The following CELSR3 variants were observed in gnomAD, a reference collection of about 807,000 sequenced individuals.
CELSR3 encodes cadherin EGF LAG seven-pass G-type receptor 3.
A neutral mutation model predicts 270.0 loss-of-function variants in CELSR3; 73 were observed. The ratio of observed to expected loss-of-function variants is 0.27; its 90% CI spans 0.22 to 0.33. The LOEUF (loss-of-function observed/expected upper bound fraction) is 0.33, where lower values mean the gene tolerates loss of function less well. Among genes scored for constraint, CELSR3 ranks in the 10% least tolerant of loss-of-function variants. The probability of loss-of-function intolerance (pLI) is 1.00; values close to 1 mark genes in which losing one functional copy is unlikely to be tolerated. For synonymous variants in CELSR3, 1,780 were observed against 1,905.4 expected (o/e 0.93, Z 1.71); for missense variants, 3,614 against 4,533.8 (o/e 0.80, Z 5.83).
At position 48,655,526 on chromosome 3, in the gene CELSR3, C is replaced by A; in HGVS notation, c.4742-132G>T. The A allele has an allele frequency of 1.0e-6, 1 of 995,330 alleles. No homozygotes were observed. Among genetic ancestry groups the A allele is most frequent in the South Asian group, 1.4e-5 (1 of 72,602 alleles). 61.7% of individuals were successfully genotyped at this position (995,330 alleles called of 1,614,324 possible). On this transcript the variant is annotated intron_variant, in intron 4 of 34. Transcript: ENST00000164024. This position sits in a 1 kb window ranked among gnomAD's most constrained non-coding sequence, Gnocchi z 5.8. The stretch of plus-strand genomic sequence containing the variant: ...GTCCCCCCACTGGTGACCACAATGG[C>A]TGGCTCAGAGTGCCTTTGAACAGAC...
Position 48,656,757 on chromosome 3 carries a change from C to T in CELSR3, c.4340G>A (p.Gly1447Asp). Residue 1447 changes from glycine to aspartate, a missense_variant, in exon 2 of 35, where the codon GGC (glycine) becomes GAC (aspartate). Coordinates refer to ENST00000164024, the MANE Select transcript of CELSR3 (RefSeq NM_001407.3). ...TCCCTCGCGCCGCGCGCAGGCTCCGCCGTTGCGACATGGGTTGGAGTAGCA... is the reference window on the plus strand; with the variant it reads ...TCCCTCGCGCCGCGCGCAGGCTCCGTCGTTGCGACATGGGTTGGAGTAGCA... ...DLCYSNPCRN[G>D]GACARREGGY... 1 of 1,550,382 alleles carries T rather than the reference C, an allele frequency of 6.5e-7. No homozygotes were observed. The highest frequency in any genetic ancestry group is 8.7e-7 in the Non-Finnish European group (1 of 1,149,132).
rs572487179 is a variant in CELSR3, at chr3:48,639,294, C to T, written c.9911+380G>A. ...TCCTTGTCCTATATGACCCCCTAGG[C>T]GAACCTTCCCAAGCAAGGCCTCCTG... On this transcript the variant is annotated intron_variant, in intron 34 of 34. Transcript: ENST00000164024. This position sits in a 1 kb window ranked among gnomAD's most constrained non-coding sequence, Gnocchi z 4.1. 8.5e-5 allele frequency among the ~76,000 whole-genome samples: 13 copies of T among 152,272 alleles called. 1 individual carries two copies. In the South Asian group the frequency reaches 2.5e-3, roughly 29 times the overall value.
At position 48,662,510 on chromosome 3, in the gene CELSR3, C is replaced by A. The variant is rs1364047868; in HGVS notation, c.125G>T (p.Trp42Leu). 13 of 1,611,484 alleles carry A rather than the reference C, an allele frequency of 8.1e-6. No homozygotes were observed. The Admixed American group carries it at 2.2e-4, about 27-fold the overall frequency. The stretch of plus-strand genomic sequence containing the variant: ...CGTAGTGGCAGCTAAGCCTGGGTCC[C>A]AGCCCTGGTGCCCACCGCCCCCCAG... Reference protein sequence around the residue: ...EELGGGGHQGWDPGLAATTGP... With the variant: ...EELGGGGHQGLDPGLAATTGP... The change falls in exon 1 of 35, where the codon TGG becomes TTG. Residue 42 changes from tryptophan to leucine, a missense_variant. Trp to Leu is a moderately conservative substitution (Grantham distance 61, BLOSUM62 -2). This residue lies in a region of CELSR3 where 470 missense variants were observed against 469.7 expected (regional missense o/e 1.00). Transcript: ENST00000164024. The surrounding 1 kb of genome is among the most constrained non-coding windows in gnomAD (Gnocchi z 7.1).
At position 48,661,757 on chromosome 3, in the gene CELSR3, G is replaced by T; in HGVS notation, c.878C>A (p.Pro293Gln). 1.9e-6 allele frequency: 3 copies of T among 1,586,426 alleles called. No individual in the cohort carries two copies. The highest frequency in any genetic ancestry group is 2.6e-6 in the Non-Finnish European group (3 of 1,168,438). Residue 293 changes from proline (P) to glutamine (Q), a missense_variant, in exon 1 of 35, where the codon CCG (proline) becomes CAG (glutamine). Pro to Gln is a moderately conservative substitution (Grantham distance 76). Coordinates refer to ENST00000164024, the MANE Select transcript of CELSR3 (RefSeq NM_001407.3). ...ACGGGCCGGGAGTCCCGGGGGACGC[G>T]GCCCGGGGCGCTGCGGGAGGAAGCG... Reference protein sequence around the residue: ...RCRFLPQRPGPRPPGLPARPE... With the variant: ...RCRFLPQRPGQRPPGLPARPE...
Position 48,660,282 on chromosome 3 carries a change from C to G in CELSR3, c.2353G>C (p.Ala785Pro). The change falls in exon 1 of 35, where the codon GCC (alanine) becomes CCC (proline). Residue 785 changes from alanine (A) to proline (P), a missense_variant. Around this residue, in one of 7 missense-constraint regions of CELSR3, gnomAD observed 215 missense variants for 241.2 expected, o/e 0.89. Coordinates refer to ENST00000164024, the MANE Select transcript of CELSR3 (RefSeq NM_001407.3). The surrounding 1 kb of genome is among the most constrained non-coding windows in gnomAD (Gnocchi z 5.5). ...VVSVTAVDRD[A>P]NSAISYQITG... ...ATCTGGTAGCTGATGGCACTGTTGGCATCACGGTCTACTGCGGTCACGCTG... is the reference window on the plus strand; with the variant it reads ...ATCTGGTAGCTGATGGCACTGTTGGGATCACGGTCTACTGCGGTCACGCTG... 6.2e-7 allele frequency: 1 copy of G among 1,614,156 alleles called. No individual in the cohort carries two copies. The highest frequency in any genetic ancestry group is 1.3e-5 in the African/African-American group (1 of 75,008).
In CELSR3 at chr3:48,640,436, A is replaced by G. The variant is rs1382056420; in HGVS notation, c.9149T>C (p.Ile3050Thr). Residue 3050 changes from isoleucine (I) to threonine (T), a missense_variant, in exon 34 of 35, where the codon ATC becomes ACC. Ile to Thr is a moderately conservative substitution (Grantham distance 89). This residue lies in a region of CELSR3 where 1,240 missense variants were observed against 1,351.7 expected (regional missense o/e 0.92). Transcript: ENST00000164024. This position sits in a 1 kb window ranked among gnomAD's most constrained non-coding sequence, Gnocchi z 7.5. The stretch of plus-strand genomic sequence containing the variant: ...GCTGCCCGTGCCCCCGCCAGCATAG[A>G]TGCGACCGTAAGAGGCAGCTGGCAC... The part of the protein sequence containing the change: ...RAVPAASYGR[I>T]YAGGGTGSLS... 6 of 1,612,502 alleles carry G rather than the reference A, an allele frequency of 3.7e-6. No homozygotes were observed. The Admixed American group carries it at 1.0e-4, about 27-fold the overall frequency.
intron 16 of CELSR3, among the ~76,000 whole-genome samples, chr3:48,649,820 G>A (rs2047121046): frequency 6.6e-6 from 1 of 152,166 alleles, no homozygotes; most frequent in South Asian, 2.1e-4. Flanking sequence ...TCCCCTCCCC[G>A]CAACAGGTTC....
rs201091047 is a variant in CELSR3, at chr3:48,652,482, G to C, written c.5706C>G (p.Pro1902=). Residue 1902 remains proline (P), a synonymous_variant, in exon 11 of 35, where the codon CCC becomes CCG. Coordinates refer to ENST00000164024, the MANE Select transcript of CELSR3 (RefSeq NM_001407.3). The surrounding 1 kb of genome is among the most constrained non-coding windows in gnomAD (Gnocchi z 4.3). ...CCTGAGGAGCCTCCTCTGCACTGCC[G>C]GGGGGCAGGCCTCCCACGTGGAGCT... ...VKQLHVGGLP[P]GSAEEAPQGL... 13 of 1,613,224 alleles carry C rather than the reference G, an allele frequency of 8.1e-6. No individual in the cohort carries two copies. Among genetic ancestry groups the C allele is most frequent in the African/African-American group, 4.0e-5 (3 of 74,912 alleles).
chr3:48,659,671 C>T lies in CELSR3; in HGVS notation c.2964G>A (p.Arg988=). 1 of 1,614,210 alleles carries T rather than the reference C, an allele frequency of 6.2e-7. No homozygotes were observed. The highest frequency in any genetic ancestry group is 8.5e-7 in the Non-Finnish European group (1 of 1,180,038). The change falls in exon 1 of 35, where the codon CGG becomes CGA. Residue 988 remains arginine, a synonymous_variant. Coordinates refer to ENST00000164024, the MANE Select transcript of CELSR3 (RefSeq NM_001407.3). This position sits in a 1 kb window ranked among gnomAD's most constrained non-coding sequence, Gnocchi z 8.1. Reference sequence around the variant, plus strand: ...GGACCCGGCCATTGGCATGAGCATCCCGGTCAGTGGCTGAGATCTGCAGGA... The same window carrying T: ...GGACCCGGCCATTGGCATGAGCATCTCGGTCAGTGGCTGAGATCTGCAGGA... The part of the protein sequence containing the change: ...TSVLQISATD[R]DAHANGRVQY...
In CELSR3 at chr3:48,642,274, A is replaced by C. The variant is rs935408586; in HGVS notation, c.8665+84T>G. On this transcript the variant is annotated intron_variant, in intron 31 of 34. Coordinates refer to ENST00000164024, the MANE Select transcript of CELSR3 (RefSeq NM_001407.3). This position sits in a 1 kb window ranked among gnomAD's most constrained non-coding sequence, Gnocchi z 6.1. ...GGAGATCGTCCCACCCCAGTCAGCC[A>C]CTGCTCCCAGTATGGGGTAGAAGAA... The C allele has an allele frequency of 3.5e-6, 5 of 1,423,778 alleles. No homozygotes were observed. Among genetic ancestry groups the C allele is most frequent in the Non-Finnish European group, 3.8e-6 (4 of 1,050,186 alleles). 88.2% of individuals were successfully genotyped at this position (1,423,778 alleles called of 1,614,324 possible). A position where few individuals can be genotyped will look rare whatever the true frequency, so the allele number is the denominator to read the frequency against.
At position 48,661,943 on chromosome 3, in the gene CELSR3, C is replaced by CG. The variant is rs758559794; in HGVS notation, c.691dup (p.Arg231ProfsTer73). 5 of 1,613,522 alleles carry CG rather than the reference C, an allele frequency of 3.1e-6. No individual in the cohort carries two copies. Among genetic ancestry groups the CG allele is most frequent in the Non-Finnish European group, 8.5e-7 (1 of 1,180,022 alleles). ...CGAGGCCCCTGGAAGACAGTTCCGC[C>CG]GGGGGGCTGTCCTTTCTGCTCCGGA... On this transcript the variant is annotated frameshift_variant, in exon 1 of 35. Transcript: ENST00000164024. LOFTEE classifies it high-confidence loss of function.
At position 48,639,958 on chromosome 3, in the gene CELSR3, G is replaced by A. The variant is rs1277078612; in HGVS notation, c.9627C>T (p.Ser3209=). 3 of 1,612,726 alleles carry A rather than the reference G, an allele frequency of 1.9e-6. No individual in the cohort carries two copies. The highest frequency in any genetic ancestry group is 2.5e-6 in the Non-Finnish European group (3 of 1,180,022). The stretch of plus-strand genomic sequence containing the variant: ...CAAGGGCTTCTCGTGAGGGGTGCCG[G>A]CTAGGCACCTGGTCCAGCTGCTCCC... The part of the protein sequence containing the change: ...NSREQLDQVP[S]RHPSREALGP... Residue 3209 remains serine, a synonymous_variant, in exon 34 of 35, where the codon AGC becomes AGT. Transcript: ENST00000164024. This position sits in a 1 kb window ranked among gnomAD's most constrained non-coding sequence, Gnocchi z 4.1.
rs781466573 is a variant in CELSR3, at chr3:48,652,464, A to G, written c.5724T>C (p.Ala1908=). ...GGLPPGSAEE[A]PQGLVGCIQG... ...GGATGCAGCCAACCAGACCCTGAGGAGCCTCCTCTGCACTGCCGGGGGGCA... is the reference window on the plus strand; with the variant it reads ...GGATGCAGCCAACCAGACCCTGAGGGGCCTCCTCTGCACTGCCGGGGGGCA... Residue 1908 remains alanine (A), a synonymous_variant, in exon 11 of 35, where the codon GCT becomes GCC. Coordinates refer to ENST00000164024, the MANE Select transcript of CELSR3 (RefSeq NM_001407.3). The surrounding 1 kb of genome is among the most constrained non-coding windows in gnomAD (Gnocchi z 4.3). The G allele has an allele frequency of 1.2e-6, 2 of 1,613,778 alleles. No individual in the cohort carries two copies. The highest frequency in any genetic ancestry group is 2.7e-5 in the African/African-American group (2 of 75,000).
At position 48,646,052 on chromosome 3, in the gene CELSR3, C is replaced by A. The variant is rs368720098; in HGVS notation, c.7463+38G>T. 1.2e-6 allele frequency: 2 copies of A among 1,608,904 alleles called. No individual in the cohort carries two copies. Among genetic ancestry groups the A allele is most frequent in the African/African-American group, 2.7e-5 (2 of 74,888 alleles). On this transcript the variant is annotated intron_variant, in intron 22 of 34. Coordinates refer to ENST00000164024, the MANE Select transcript of CELSR3 (RefSeq NM_001407.3). The surrounding 1 kb of genome is among the most constrained non-coding windows in gnomAD (Gnocchi z 4.8). ...GGACTATTAGTTGGCCTCCCAAGGG[C>A]TAACGGGACCAAGGGTTTCCAGAAT...
At position 48,657,240 on chromosome 3, in the gene CELSR3, C is replaced by T. The variant is rs2077031461; in HGVS notation, c.3857G>A (p.Arg1286His). The T allele has an allele frequency of 6.2e-7, 1 of 1,612,894 alleles. No homozygotes were observed. Residue 1286 changes from arginine to histidine, a missense_variant, in exon 2 of 35, where the codon CGC becomes CAC. Coordinates refer to ENST00000164024, the MANE Select transcript of CELSR3 (RefSeq NM_001407.3). The surrounding 1 kb of genome is among the most constrained non-coding windows in gnomAD (Gnocchi z 5.4). ...TVRLENMWQERFLSPLLGRFL... is the reference protein window; with the variant it reads ...TVRLENMWQEHFLSPLLGRFL... ...GCGGCCCAGCAGCGGTGACAGGAAG[C>T]GCTCCTGCCACATGTTCTCAAGGCG... is the stretch of plus-strand genomic sequence containing the variant.
rs1450652869 is a variant in CELSR3 at position 48,661,631 on chromosome 3, G to C, written c.1004C>G (p.Pro335Arg). 4.4e-6 allele frequency: 7 copies of C among 1,604,120 alleles called. No individual in the cohort carries two copies. The highest frequency in any genetic ancestry group is 6.0e-6 in the Non-Finnish European group (7 of 1,175,354). Residue 335 changes from proline to arginine, a missense_variant, in exon 1 of 35, where the codon CCG (proline) becomes CGG (arginine). Around this residue, in one of 7 missense-constraint regions of CELSR3, gnomAD observed 470 missense variants for 469.7 expected, o/e 1.00. Coordinates refer to ENST00000164024, the MANE Select transcript of CELSR3 (RefSeq NM_001407.3). ...CGCGGTGCCTGCTGCCTCATTCTCC[G>C]GCACCAGCGTCTGGTAGTTGTACTG... ...FPQYNYQTLV[P>R]ENEAAGTAVL...
rs2077052323 is a variant in CELSR3 at position 48,659,696 on chromosome 3, A to G, written c.2939T>C (p.Val980Ala). ...VSEDAPPFTS[V>A]LQISATDRDA... ...CCGGTCAGTGGCTGAGATCTGCAGGACACTGGTGAAAGGTGGGGCATCCTC... is the reference window on the plus strand; with the variant it reads ...CCGGTCAGTGGCTGAGATCTGCAGGGCACTGGTGAAAGGTGGGGCATCCTC... The change falls in exon 1 of 35, where the codon GTC becomes GCC. Residue 980 changes from valine to alanine, a missense_variant. Physicochemically the swap from Val to Ala is moderately conservative, Grantham distance 64 (BLOSUM62 0). Around this residue, in one of 7 missense-constraint regions of CELSR3, gnomAD observed 1,331 missense variants for 1,933.7 expected, o/e 0.69. Coordinates refer to ENST00000164024, the MANE Select transcript of CELSR3 (RefSeq NM_001407.3). This position sits in a 1 kb window ranked among gnomAD's most constrained non-coding sequence, Gnocchi z 8.1. The G allele has an allele frequency of 6.2e-7, 1 of 1,614,094 alleles. No homozygotes were observed. The highest frequency in any genetic ancestry group is 1.1e-5 in the South Asian group (1 of 91,090).
chr3:48,652,587 AG>A lies in CELSR3; in HGVS notation c.5635-35del. 1 of 1,524,448 alleles carries A rather than the reference AG, an allele frequency of 6.6e-7. No homozygotes were observed. The allele number at this position is 1,524,448 out of a possible 1,614,324, so 94.4% of individuals were successfully genotyped here. A position where few individuals can be genotyped will look rare whatever the true frequency, so the allele number is the denominator to read the frequency against. On this transcript the variant is annotated intron_variant, in intron 10 of 34. Transcript: ENST00000164024. The surrounding 1 kb of genome is among the most constrained non-coding windows in gnomAD (Gnocchi z 4.3). ...AGTGGGGCAGTCAGCACTGAGGGAG[AG>A]GGGCCTGATGAACCCCTGTCATAGC...
In CELSR3 at chr3:48,653,546, A is replaced by C; in HGVS notation, c.5448+73T>G. ...AAAAGTATGCTGTGTGACCAACCTG[A>C]ACCCACAAGAATGTCAGTGGCGGCC... On this transcript the variant is annotated intron_variant, in intron 9 of 34. Transcript: ENST00000164024. The surrounding 1 kb of genome is among the most constrained non-coding windows in gnomAD (Gnocchi z 6.5). 6.4e-7 allele frequency: 1 copy of C among 1,555,378 alleles called. No individual in the cohort carries two copies. The highest frequency in any genetic ancestry group is 8.8e-7 in the Non-Finnish European group (1 of 1,140,586).
Sources: gnomAD v4.1 joint callset for allele counts (sites outside exome capture counted in the v4.1 genomes callset) on GRCh38, gnomAD v4.1.1 for gene constraint, gnomAD v4.1.1 regional missense constraint, Gnocchi (gnomAD v3.1) non-coding constraint, MANE v1.5 for transcripts, NCBI Gene and HGNC (gene_info 2026-07-23, HGNC 2026-07-21) for gene names.